Variants in FABP6 observed in about 807,000 individuals in gnomAD.
FABP6 encodes the protein fatty acid binding protein 6, also known as gastrotropin.
A neutral mutation model predicts 14.9 loss-of-function variants in FABP6; 13 were observed. The observed-to-expected ratio is 0.87, with a 90% CI of 0.57 to 1.39. The LOEUF (loss-of-function observed/expected upper bound fraction) is 1.39, where lower values mean the gene tolerates loss of function less well. FABP6 is among the 40% of genes most tolerant of loss of function. FABP6 has a pLI of 0.00. For synonymous variants in FABP6, 75 were observed against 63.6 expected (o/e 1.18, Z -0.85); for missense variants, 161 against 167.2 (o/e 0.96, Z 0.20).
chr5:160,191,492 CT>C (rs1159716330), intron 1 of FABP6, among the ~76,000 whole-genome samples: 4 of 151,542 alleles, frequency 2.6e-5, no homozygotes, highest in African/African-American at 7.3e-5. Flanking sequence ...CAAACCTTAC[CT>C]TACTAGGGCT....
intron 2 of FABP6, among the ~76,000 whole-genome samples, chr5:160,208,624 G>T (rs987232542): frequency 6.6e-6 from 1 of 151,790 alleles, no homozygotes; most frequent in Non-Finnish European, 1.5e-5. Context: ...CATAAGAGTG[G>T]ATTAGTTATC....
chr5:160,225,578 A>C (rs1432000830), upstream of FABP6, among the ~76,000 whole-genome samples: 6 of 150,422 alleles, frequency 4.0e-5, no homozygotes, highest in Non-Finnish European at 7.4e-5. Context: ...ATTTTTTTGT[A>C]TTTTTAGTAG....
chr5:160,188,528 C>T (rs72643438), intron 1 of FABP6, among the ~76,000 whole-genome samples: 13,978 of 152,134 alleles, frequency 0.092, 864 homozygotes, highest in East Asian at 0.36. Flanking sequence ...TCCCCTTTCC[C>T]GCTGGGGAGA....
At chr5:160,221,232 C>T (rs1282653182) in intron 3 of FABP6, among the ~76,000 whole-genome samples, 1 of 151,942 alleles carries the variant, frequency 6.6e-6, no homozygotes, top group African/African-American at 2.4e-5. Context: ...CATGAGAAGG[C>T]TGAGTGACTC....
intron 1 of FABP6, among the ~76,000 whole-genome samples, chr5:160,189,463 A>AGGTG (rs1302575269): frequency 6.6e-6 from 1 of 152,096 alleles, no homozygotes; most frequent in Non-Finnish European, 1.5e-5. Context: ...GGCTGGTCTC[A>AGGTG]AACTCCTGAC....
chr5:160,202,127 G>A (rs1314513003), intron 2 of FABP6, among the ~76,000 whole-genome samples: 1 of 66,794 alleles, frequency 1.5e-5, no homozygotes, highest in Non-Finnish European at 3.6e-5. Flanking sequence ...TGGAAGCAGG[G>A]ATTTAGGCAG....
At chr5:160,218,743 G>A (rs1760070367) in intron 3 of FABP6, among the ~76,000 whole-genome samples, 1 of 150,244 alleles carries the variant, frequency 6.7e-6, no homozygotes, top group Admixed American at 6.7e-5. Flanking sequence ...TTACGGGCAT[G>A]AGCCACTGCG....
At chr5:160,222,494 C>T (rs1015159036) in intron 3 of FABP6, among the ~76,000 whole-genome samples, 11 of 152,004 alleles carry the variant, frequency 7.2e-5, no homozygotes, top group African/African-American at 1.2e-4. Context: ...CCACCACACC[C>T]GGCTAATTTT....
At chr5:160,236,636 C>A (rs1212507319) in intron 3 of FABP6, among the ~76,000 whole-genome samples, 2 of 152,074 alleles carry the variant, frequency 1.3e-5, no homozygotes, top group Non-Finnish European at 2.9e-5. Flanking sequence ...TCTGCCCAGG[C>A]CCACGGGTCT....
At chr5:160,225,142 G>A (rs1760215181), upstream of FABP6, among the ~76,000 whole-genome samples, 1 of 151,776 alleles carries the variant, frequency 6.6e-6, no homozygotes, top group Non-Finnish European at 1.5e-5. Flanking sequence ...TATTGCCCGG[G>A]CTAGAGTGTG....
chr5:160,199,412 C>T (rs1561741792), intron 2 of FABP6, among the ~76,000 whole-genome samples: 2 of 152,150 alleles, frequency 1.3e-5, no homozygotes, highest in Non-Finnish European at 2.9e-5. Context: ...GCAGGTTCGG[C>T]CACCCCTAGA....
In FABP6 at chr5:160,221,288, G is replaced by A. The variant is rs140467214; in HGVS notation, c.135+7469G>A. Among the ~76,000 whole-genome samples the A allele has an allele frequency of 7.5e-3, 1,142 of 152,106 alleles. 10 individuals are homozygous for A. The highest frequency in any genetic ancestry group is 0.025 in the African/African-American group (1,045 of 41,488). Reference sequence around the variant, plus strand: ...TGAGTCATTACAAAGAGAAGGTACAGGCTCTGGGGATTTTTGCAAGGGACA... The same window carrying A: ...TGAGTCATTACAAAGAGAAGGTACAAGCTCTGGGGATTTTTGCAAGGGACA... On this transcript the variant is annotated intron_variant, in intron 3 of 6. Transcript: ENST00000393980.
intron 2 of FABP6, among the ~76,000 whole-genome samples, chr5:160,211,725 C>T (rs1759894527): frequency 6.6e-6 from 1 of 152,162 alleles, no homozygotes; most frequent in Admixed American, 6.6e-5. Context: ...TGAGTTACTC[C>T]ATACGTTTCC....
chr5:160,210,949 T>C lies in FABP6; in HGVS notation c.52-2787T>C, dbSNP rs369746723. On this transcript the variant is annotated intron_variant, in intron 2 of 6. Coordinates refer to the FABP6 transcript ENST00000393980. ...GGAGAGGGGGCAATGAATGATTGCA[T>C]GGGAGCGGGACGACCTTTTGCCATC... is the stretch of plus-strand genomic sequence containing the variant. 2.4e-4 allele frequency among the ~76,000 whole-genome samples: 36 copies of C among 152,310 alleles called. No individual in the cohort carries two copies. In the South Asian group the frequency reaches 7.5e-3, roughly 32 times the overall value.
upstream of FABP6, among the ~76,000 whole-genome samples, chr5:160,225,399 CTTTTT>C (rs1284538826): frequency 8.1e-6 from 1 of 123,498 alleles, no homozygotes. Context: ...CCAGCCCCAC[CTTTTT>C]TTTTTTTTTT....
rs774047956 is a variant in FABP6, at chr5:160,198,951, G to A, written c.-58-98G>A. On this transcript the variant is annotated intron_variant, in intron 1 of 6. Transcript: ENST00000393980. Reference sequence around the variant, plus strand: ...CCAGGGCCCATGTGTCTGGCACACAGTGAGCAGTCAATAAAATGGATTGAA... The same window carrying A: ...CCAGGGCCCATGTGTCTGGCACACAATGAGCAGTCAATAAAATGGATTGAA... 334 of 729,578 alleles carry A rather than the reference G, an allele frequency of 4.6e-4. 2 individuals carry two copies. The highest frequency in any genetic ancestry group is 7.1e-4 in the Non-Finnish European group (304 of 429,894). The allele number at this position is 729,578 out of a possible 1,614,324, so 45.2% of individuals were successfully genotyped here.
At chr5:160,230,230 C>T (rs1259203430) in intron 1 of FABP6, among the ~76,000 whole-genome samples, 1 of 152,024 alleles carries the variant, frequency 6.6e-6, no homozygotes, top group Non-Finnish European at 1.5e-5. Context: ...TTAGTATTTC[C>T]ACTTTACTGA....
chr5:160,208,779 T>G (rs1759823005), intron 2 of FABP6, among the ~76,000 whole-genome samples: 3 of 124,006 alleles, frequency 2.4e-5, no homozygotes, highest in Non-Finnish European at 3.6e-5. Context: ...CTTTCTTTCT[T>G]TTCTTTTTTT....
chr5:160,235,717 G>C (rs12523547), intron 3 of FABP6, among the ~76,000 whole-genome samples: 67,500 of 151,988 alleles, frequency 0.44, 15,232 homozygotes, highest in East Asian at 0.57. Context: ...CAGCAGGGAA[G>C]ACATGATGAG....
Sources: gnomAD v4.1 joint callset for allele counts (sites outside exome capture counted in the v4.1 genomes callset) on GRCh38, gnomAD v4.1.1 for gene constraint, MANE v1.5 for transcripts, NCBI Gene and HGNC (gene_info 2026-07-23, HGNC 2026-07-21) for gene names.